The following LMBRD2 variants were observed in gnomAD, a reference collection of about 807,000 sequenced individuals.
LMBRD2 encodes the protein G protein-coupled receptor-associated protein LMBRD2.
Under a neutral mutation model 94.4 loss-of-function variants are expected in LMBRD2, and 55 were observed. That is an observed-to-expected ratio of 0.58 (90% CI 0.47 to 0.73). LMBRD2 has a LOEUF of 0.73. Among genes scored for constraint, LMBRD2 ranks in the 30% least tolerant of loss-of-function variants. The pLI, the probability that LMBRD2 is intolerant of heterozygous loss-of-function variation, is 0.00. For missense variants in LMBRD2, 640 were observed against 831.9 expected, an observed-to-expected ratio of 0.77 and a Z score of 2.84; for synonymous variants, 246 against 272.4, an observed-to-expected ratio of 0.90 and a Z score of 0.95.
intron 6 of LMBRD2, among the ~76,000 whole-genome samples, chr5:36,131,748 A>C (rs530827100): frequency 6.6e-6 from 1 of 152,264 alleles, no homozygotes; most frequent in South Asian, 2.1e-4. Context: ...TAAAATACCA[A>C]GGAATTAGCC....
chr5:36,130,452 A>G (rs1744125887), intron 6 of LMBRD2, among the ~76,000 whole-genome samples: 1 of 152,194 alleles, frequency 6.6e-6, no homozygotes, highest in Non-Finnish European at 1.5e-5. Flanking sequence ...ATAAGAAGCA[A>G]GAAGTTAAAA....
intron 14 of LMBRD2, 90 bp downstream of exon 14, chr5:36,111,065 A>C: frequency 1.3e-6 from 1 of 795,690 alleles, no homozygotes; most frequent in Non-Finnish European, 2.0e-6. Flanking sequence ...AGATTAAAAA[A>C]TATTCACAAA....
intron 1 of LMBRD2, among the ~76,000 whole-genome samples, chr5:36,149,713 C>T (rs1744643174): frequency 6.6e-6 from 1 of 152,148 alleles, no homozygotes; most frequent in African/African-American, 2.4e-5. Context: ...TCGAGACCAG[C>T]CTGACCAACA....
Position 36,137,321 on chromosome 5 carries a change from T to C in LMBRD2, c.489A>G (p.Gly163=). Residue 163 remains glycine (G), a synonymous_variant, in exon 5 of 18, where the codon GGA becomes GGG. Transcript: ENST00000296603. The part of the protein sequence containing the change: ...IYYGTYLLIF[G]AFLIYVAVNP... ...TTACAGCTACATAAATTAAAAATGC[T>C]CCAAAAATCAGCAAATAGGTGCCAT... 6.2e-7 allele frequency: 1 copy of C among 1,602,918 alleles called. No homozygotes were observed. Among genetic ancestry groups the C allele is most frequent in the Non-Finnish European group, 8.5e-7 (1 of 1,172,384 alleles).
At chr5:36,128,971 G>C (rs749219744) in intron 6 of LMBRD2, among the ~76,000 whole-genome samples, 4 of 152,188 alleles carry the variant, frequency 2.6e-5, no homozygotes, top group Non-Finnish European at 4.4e-5. Context: ...GAATGCATGA[G>C]AGTATCTTAA....
chr5:36,110,138 G>A, intron 14 of LMBRD2, 147 bp from the exon 15 acceptor site: 1 of 620,682 alleles, frequency 1.6e-6, no homozygotes, highest in East Asian at 2.8e-5. Context: ...GAAGGAATTT[G>A]AGAGGTTACC....
chr5:36,101,735 A>C lies in LMBRD2; in HGVS notation c.*2311T>G, dbSNP rs1287192280. ...ATTCTGCTTAAAGTTGAATATTCTG[A>C]ATCACTGAAACAACCAAATATTTTA... is the stretch of plus-strand genomic sequence containing the variant. On this transcript the variant is annotated 3_prime_UTR_variant, in exon 18 of 18. Coordinates refer to ENST00000296603, the MANE Select transcript of LMBRD2 (RefSeq NM_001007527.2). The C allele has an allele frequency of 6.6e-6, 1 of 151,910 alleles. No individual in the cohort carries two copies. Among genetic ancestry groups the C allele is most frequent in the Non-Finnish European group, 1.5e-5 (1 of 67,858 alleles). The allele number at this position is 151,910 out of a possible 1,614,324, so 9.4% of individuals were successfully genotyped here.
At chr5:36,133,649 T>C (rs1257798427) in intron 6 of LMBRD2, among the ~76,000 whole-genome samples, 1 of 152,170 alleles carries the variant, frequency 6.6e-6, no homozygotes, top group Non-Finnish European at 1.5e-5. Flanking sequence ...GTTCTCCTGC[T>C]ATCTATGTGT....
chr5:36,141,305 A>T, intron 3 of LMBRD2, 103 bp from the exon 4 acceptor site: 1 of 631,018 alleles, frequency 1.6e-6, no homozygotes, highest in Non-Finnish European at 2.8e-6. Context: ...CAGATTTTAA[A>T]TTACTGACTC....
chr5:36,100,004 G>A lies in LMBRD2; in HGVS notation c.*4042C>T, dbSNP rs551480606. On this transcript the variant is annotated 3_prime_UTR_variant, in exon 18 of 18. Coordinates refer to ENST00000296603, the MANE Select transcript of LMBRD2 (RefSeq NM_001007527.2). ...CTAGGGCCTTGTCTCCAGGAGTTGG[G>A]AAAGGGGAAAGAAAACATTGCCCAG... is the stretch of plus-strand genomic sequence containing the variant. 6.0e-4 allele frequency: 91 copies of A among 152,208 alleles called. No homozygotes were observed. The highest frequency in any genetic ancestry group is 1.9e-3 in the African/African-American group (81 of 41,544). 9.4% of individuals were successfully genotyped at this position (152,208 alleles called of 1,614,324 possible). A position where few individuals can be genotyped will look rare whatever the true frequency, so the allele number is the denominator to read the frequency against.
intron 1 of LMBRD2, among the ~76,000 whole-genome samples, chr5:36,147,182 A>C (rs1744568855): frequency 6.6e-6 from 1 of 152,106 alleles, no homozygotes; most frequent in Non-Finnish European, 1.5e-5. Flanking sequence ...GTTGAGGCCG[A>C]ACTATATTGC....
intron 14 of LMBRD2, among the ~76,000 whole-genome samples, chr5:36,110,662 A>G (rs1048153934): frequency 6.6e-6 from 1 of 152,026 alleles, no homozygotes; most frequent in East Asian, 1.9e-4. Flanking sequence ...CCTCCATGCT[A>G]TCATCACTTT....
At chr5:36,110,633 CA>C (rs958260712) in intron 14 of LMBRD2, among the ~76,000 whole-genome samples, 16 of 152,096 alleles carry the variant, frequency 1.1e-4, no homozygotes, top group Admixed American at 9.2e-4. Flanking sequence ...ACCAATGTCC[CA>C]AAAGTCAAGT....
intron 7 of LMBRD2, 69 bp downstream of exon 7, chr5:36,124,119 TTTC>T: frequency 4.7e-6 from 4 of 857,440 alleles, no homozygotes; most frequent in Non-Finnish European, 5.4e-6. Flanking sequence ...TTTTCATACT[TTTC>T]TGGTACTTTT....
chr5:36,109,688 G>T (rs2111846432), intron 15 of LMBRD2, among the ~76,000 whole-genome samples: 1 of 152,066 alleles, frequency 6.6e-6, no homozygotes, highest in African/African-American at 2.4e-5. Context: ...AATATTCATG[G>T]AGCACCTACT....
At chr5:36,140,722 CG>C (rs1208330142) in intron 4 of LMBRD2, among the ~76,000 whole-genome samples, 2 of 151,736 alleles carry the variant, frequency 1.3e-5, no homozygotes, top group Non-Finnish European at 2.9e-5. Flanking sequence ...ATAAAGAGGA[CG>C]GAAGTTTGAA....
chr5:36,140,228 C>T (rs116512330), intron 4 of LMBRD2, among the ~76,000 whole-genome samples: 2,635 of 152,322 alleles, frequency 0.017, 28 homozygotes, highest in Non-Finnish European at 0.023. Context: ...TGTGCCGATG[C>T]CTGGAGCTGC....
At position 36,114,442 on chromosome 5, in the gene LMBRD2, CAGAG is replaced by C; in HGVS notation, c.1618_1621del (p.Leu540AlafsTer13). Reference sequence around the variant, plus strand: ...TTCTTACCTAAAATAAGTAGCAATGCAGAGAATTACCACCAACATAGGATAATAT... The same window carrying C: ...TTCTTACCTAAAATAAGTAGCAATGCAATTACCACCAACATAGGATAATAT... On this transcript the variant is annotated frameshift_variant, in exon 13 of 18. Transcript: ENST00000296603. LOFTEE classifies it high-confidence loss of function. The C allele has an allele frequency of 6.4e-7, 1 of 1,555,800 alleles. No homozygotes were observed. The highest frequency in any genetic ancestry group is 8.6e-7 in the Non-Finnish European group (1 of 1,158,200).
chr5:36,100,982 TAATCA>T lies in LMBRD2; in HGVS notation c.*3059_*3063del, dbSNP rs1743335113. The T allele has an allele frequency of 6.6e-6, 1 of 152,070 alleles. No homozygotes were observed. The highest frequency in any genetic ancestry group is 2.4e-5 in the African/African-American group (1 of 41,454). 9.4% of individuals were successfully genotyped at this position (152,070 alleles called of 1,614,324 possible). On this transcript the variant is annotated 3_prime_UTR_variant, in exon 18 of 18. Transcript: ENST00000296603. ...AGCTTAAATTTCAGAACTGATCATCTAATCAAATAGTAGTCCAAAAAAATCAACTG... is the reference window on the plus strand; with the variant it reads ...AGCTTAAATTTCAGAACTGATCATCTAATAGTAGTCCAAAAAAATCAACTG...
Sources: allele counts gnomAD v4.1 joint callset (sites outside exome capture counted in the v4.1 genomes callset), GRCh38; gene constraint gnomAD v4.1.1; transcripts MANE v1.5; gene names NCBI Gene and HGNC (gene_info 2026-07-23, HGNC 2026-07-21).